The following SEMA3C variants were observed in gnomAD, a reference collection of about 807,000 sequenced individuals.
The protein encoded by SEMA3C is semaphorin 3C.
A neutral mutation model predicts 89.4 loss-of-function variants in SEMA3C; 47 were observed. The observed-to-expected ratio is 0.53, with a 90% CI of 0.42 to 0.67. The LOEUF is 0.67. SEMA3C is among the 30% of genes least tolerant of loss of function. The probability of loss-of-function intolerance (pLI) is 0.00; values close to 1 mark genes in which losing one functional copy is unlikely to be tolerated. For missense variants in SEMA3C, 839 were observed against 929.1 expected (o/e 0.90, Z 1.26); for synonymous variants, 310 against 320.2 (o/e 0.97, Z 0.34).
At chr7:80,750,465 T>TACACACAC (rs1222077930) in intron 16 of SEMA3C, among the ~76,000 whole-genome samples, 1 of 63,898 alleles carries the variant, frequency 1.6e-5, no homozygotes, top group Non-Finnish European at 3.2e-5. Context: ...TATATATATA[T>TACACACAC]ATATATATAC....
intron 2 of SEMA3C, among the ~76,000 whole-genome samples, chr7:80,875,211 A>C (rs1461027683): frequency 6.6e-6 from 1 of 152,178 alleles, no homozygotes; most frequent in Non-Finnish European, 1.5e-5. Context: ...GTTGCGTGAC[A>C]AATACCAGCA....
intron 6 of SEMA3C, among the ~76,000 whole-genome samples, chr7:80,806,552 T>G (rs1285897750): frequency 1.3e-5 from 2 of 152,028 alleles, no homozygotes; most frequent in Non-Finnish European, 2.9e-5. Flanking sequence ...TTAAATAAAT[T>G]TTCACTATTA....
At chr7:80,838,828 C>A (rs942433904) in intron 2 of SEMA3C, among the ~76,000 whole-genome samples, 8 of 152,140 alleles carry the variant, frequency 5.3e-5, no homozygotes, top group Non-Finnish European at 1.2e-4. Context: ...AGCAAAACCG[C>A]CCCCATGATC....
chr7:80,919,252 C>G, upstream of SEMA3C: 1 of 985,228 alleles, frequency 1.0e-6, no homozygotes, highest in Non-Finnish European at 1.2e-6. Flanking sequence ...GGGGGCGGAC[C>G]GGGCGGGGCC....
intron 2 of SEMA3C, among the ~76,000 whole-genome samples, chr7:80,893,000 A>G (rs1012448814): frequency 6.6e-6 from 1 of 152,194 alleles, no homozygotes; most frequent in Non-Finnish European, 1.5e-5. Context: ...TGAGCAACCT[A>G]AAGTTGTGCT....
intron 2 of SEMA3C, among the ~76,000 whole-genome samples, chr7:80,833,382 A>G (rs1479337144): frequency 2.6e-5 from 4 of 151,916 alleles, no homozygotes; most frequent in Non-Finnish European, 5.9e-5. Context: ...AATCACTTGA[A>G]CCTGGGAGGC....
intron 2 of SEMA3C, among the ~76,000 whole-genome samples, chr7:80,913,390 G>A (rs1439761675): frequency 6.6e-6 from 1 of 152,044 alleles, no homozygotes; most frequent in Admixed American, 6.6e-5. Flanking sequence ...GGCAGAGCGA[G>A]ACTCTGTCTC....
At chr7:80,758,798 TG>T (rs1788123636) in intron 14 of SEMA3C, among the ~76,000 whole-genome samples, 1 of 152,196 alleles carries the variant, frequency 6.6e-6, no homozygotes, top group African/African-American at 2.4e-5. Flanking sequence ...ATTTAAGTTA[TG>T]ACTTTTTTTC....
chr7:80,874,787 TTCTC>T (rs1429014429), intron 2 of SEMA3C, among the ~76,000 whole-genome samples: 2 of 152,080 alleles, frequency 1.3e-5, no homozygotes, highest in Admixed American at 6.6e-5. Context: ...TTATTTACTC[TTCTC>T]TCTTAGTTTC....
At chr7:80,765,489 T>C (rs1172815702) in intron 12 of SEMA3C, among the ~76,000 whole-genome samples, 2 of 152,220 alleles carry the variant, frequency 1.3e-5, no homozygotes, top group African/African-American at 4.8e-5. Context: ...GCTACAACTA[T>C]GAGAGAAGGA....
chr7:80,862,826 A>G (rs374338486), intron 2 of SEMA3C, among the ~76,000 whole-genome samples: 2 of 152,178 alleles, frequency 1.3e-5, no homozygotes, highest in African/African-American at 4.8e-5. Context: ...ATAGCAAACT[A>G]AAACATAAAG....
At chr7:80,872,539 T>C (rs1201811370) in intron 2 of SEMA3C, among the ~76,000 whole-genome samples, 5 of 151,968 alleles carry the variant, frequency 3.3e-5, no homozygotes, top group African/African-American at 9.7e-5. Context: ...CGTGGTGGCT[T>C]ACGCCTGTAA....
intron 15 of SEMA3C, among the ~76,000 whole-genome samples, chr7:80,754,016 C>T (rs1787997214): frequency 6.6e-6 from 1 of 152,170 alleles, no homozygotes; most frequent in South Asian, 2.1e-4. Flanking sequence ...CGGCTCGCTG[C>T]AATCTCCGCC....
At chr7:80,811,009 C>T in intron 5 of SEMA3C, among the ~76,000 whole-genome samples, 1 of 152,118 alleles carries the variant, frequency 6.6e-6, no homozygotes, top group East Asian at 1.9e-4. Flanking sequence ...TAAATCTCAA[C>T]TAGATGCGTT....
chr7:80,809,219 T>C (rs1174018511), intron 6 of SEMA3C, among the ~76,000 whole-genome samples: 2 of 152,224 alleles, frequency 1.3e-5, no homozygotes, highest in Admixed American at 6.5e-5. Context: ...AACTGATATT[T>C]TGTGTAAAGT....
chr7:80,911,528 T>C (rs1478383122), intron 2 of SEMA3C, among the ~76,000 whole-genome samples: 1 of 152,066 alleles, frequency 6.6e-6, no homozygotes, highest in Non-Finnish European at 1.5e-5. Flanking sequence ...AAATAAGCTA[T>C]CTAGGATCAC....
intron 2 of SEMA3C, among the ~76,000 whole-genome samples, chr7:80,887,939 C>T (rs1198797544): frequency 2.6e-5 from 4 of 152,010 alleles, no homozygotes; most frequent in Non-Finnish European, 5.9e-5. Flanking sequence ...AAGAATATAG[C>T]TGGAAGGACA....
intron 2 of SEMA3C, among the ~76,000 whole-genome samples, chr7:80,859,949 A>C (rs1218646577): frequency 2.0e-5 from 3 of 152,082 alleles, no homozygotes; most frequent in Admixed American, 6.6e-5. Flanking sequence ...GGTTTCAAAA[A>C]TGTCTCATCT....
chr7:80,846,510 C>T (rs981743949), intron 2 of SEMA3C, among the ~76,000 whole-genome samples: 1 of 152,126 alleles, frequency 6.6e-6, no homozygotes, highest in African/African-American at 2.4e-5. Flanking sequence ...GCACACAACA[C>T]CATGCCTGGC....
Sources: gnomAD v4.1 joint callset for allele counts (sites outside exome capture counted in the v4.1 genomes callset) on GRCh38, gnomAD v4.1.1 for gene constraint, MANE v1.5 for transcripts, NCBI Gene and HGNC (gene_info 2026-07-23, HGNC 2026-07-21) for gene names.